TOP3B: variants seen among roughly 807,000 people sequenced by gnomAD.
The protein encoded by TOP3B is DNA topoisomerase 3-beta-1.
In TOP3B, 45 loss-of-function variants were observed where a neutral mutation model predicts 93.9. The ratio of observed to expected loss-of-function variants is 0.48; its 90% CI spans 0.38 to 0.61. The LOEUF (loss-of-function observed/expected upper bound fraction) is 0.61, where lower values mean the gene tolerates loss of function less well. TOP3B is among the 20% of genes least tolerant of loss of function. The pLI, the probability that TOP3B is intolerant of heterozygous loss-of-function variation, is 0.00. For missense variants in TOP3B, 750 were observed against 1,156.1 expected (o/e 0.65, Z 5.09); for synonymous variants, 357 against 472.6 (o/e 0.76, Z 3.17).
intron 9 of TOP3B, 189 bp downstream of exon 9, chr22:21,965,096 C>T: frequency 4.7e-6 from 2 of 428,154 alleles, no homozygotes; most frequent in South Asian, 5.7e-5. Context: ...GGGACTCTAA[C>T]ATCAGGAGGT....
chr22:21,979,369 G>A (rs553767485), intron 1 of TOP3B, among the ~76,000 whole-genome samples: 8 of 152,184 alleles, frequency 5.3e-5, no homozygotes, highest in African/African-American at 1.9e-4. Flanking sequence ...CTGGGTGGTG[G>A]CATGCTGACC....
chr22:21,967,441 T>C, intron 8 of TOP3B, 162 bp downstream of exon 8: 1 of 626,832 alleles, frequency 1.6e-6, no homozygotes, highest in South Asian at 1.9e-5. Context: ...ATCTTAGGAG[T>C]ATATGAGGGA....
rs116817941 is a variant in TOP3B, at chr22:21,974,817, G to A, written c.71-329C>T. The A allele has an allele frequency of 2.2e-3, 417 of 187,476 alleles. 1 individual carries two copies. The highest frequency in any genetic ancestry group is 9.2e-3 in the African/African-American group (392 of 42,426). 11.6% of individuals were successfully genotyped at this position (187,476 alleles called of 1,614,324 possible). On this transcript the variant is annotated intron_variant, in intron 2 of 17. Coordinates refer to ENST00000357179, the MANE Select transcript of TOP3B (RefSeq NM_001282112.2). ...CATTTTTGCCTCACTTCATTGAAACGTTATTCATCGTTTACTAAAACAGAC... is the reference window on the plus strand; with the variant it reads ...CATTTTTGCCTCACTTCATTGAAACATTATTCATCGTTTACTAAAACAGAC...
chr22:21,974,632 G>C, intron 2 of TOP3B, 144 bp from the exon 3 acceptor site: 1 of 909,942 alleles, frequency 1.1e-6, no homozygotes, highest in Non-Finnish European at 1.6e-6. Context: ...AGACTGGTGC[G>C]GGTAGTTGGG....
chr22:21,979,941 C>CAA (rs57880095), intron 1 of TOP3B, among the ~76,000 whole-genome samples: 2,417 of 52,932 alleles, frequency 0.046, 76 homozygotes, highest in African/African-American at 0.077. Context: ...ACTCCATCTC[C>CAA]AAAAAAAAAA....
chr22:21,962,619 C>T lies in TOP3B; in HGVS notation c.1352-17G>A, dbSNP rs781418892. The T allele has an allele frequency of 1.1e-5, 18 of 1,607,472 alleles. No homozygotes were observed. The highest frequency in any genetic ancestry group is 1.7e-5 in the Admixed American group (1 of 59,900). On this transcript the variant is annotated splice_polypyrimidine_tract_variant and intron_variant, in intron 12 of 17. Transcript: ENST00000357179. ...CCGTGAAGCCTGGAGAGATATGCGC[C>T]GCCACTCAGGGTCCCCAGCCTGGGT...
chr22:21,972,094 T>A, intron 4 of TOP3B, 143 bp from the exon 5 acceptor site: 1 of 638,430 alleles, frequency 1.6e-6, no homozygotes, highest in Non-Finnish European at 2.7e-6. Context: ...GGTAAGGAGC[T>A]GGCTGTGTTG....
intron 8 of TOP3B, chr22:21,967,131 T>C (rs6000341): frequency 9.4e-4 from 158 of 168,976 alleles, no homozygotes; most frequent in African/African-American, 3.1e-3. Context: ...TTTCAATTCA[T>C]AGAAGCCCTG....
chr22:21,967,687 A>T lies in TOP3B; in HGVS notation c.768T>A (p.Leu256=). The part of the protein sequence containing the change: ...KVNTDKDRSL[L]LDWDRVRVFD... ...ACACTCTTACTCGGTCCCAGTCCAA[A>T]AGGAGAGATCTGTCTTTGTCAGTGT... The change falls in exon 8 of 18, where the codon CTT becomes CTA. Residue 256 remains leucine (L), a synonymous_variant. Coordinates refer to ENST00000357179, the MANE Select transcript of TOP3B (RefSeq NM_001282112.2). The T allele has an allele frequency of 6.2e-7, 1 of 1,614,130 alleles. No homozygotes were observed. Among genetic ancestry groups the T allele is most frequent in the South Asian group, 1.1e-5 (1 of 91,084 alleles).
At chr22:21,964,051 G>C (rs2071309779) in intron 10 of TOP3B, 23 bp from the exon 11 acceptor site, 1 of 1,602,018 alleles carries the variant, frequency 6.2e-7, no homozygotes, top group South Asian at 1.1e-5. Context: ...AGACAGAGCA[G>C]AGTCTGTGGC....
intron 7 of TOP3B, chr22:21,967,933 GAAGGTGGCCCA>G: frequency 1.8e-6 from 1 of 542,006 alleles, no homozygotes; most frequent in Non-Finnish European, 3.3e-6. Flanking sequence ...CCAGTCTCAG[GAAGGTGGCCCA>G]AAGCTGAGGC....
In TOP3B at chr22:21,959,814, C is replaced by T. The variant is rs1174562119; in HGVS notation, c.1655-78G>A. The T allele has an allele frequency of 1.3e-6, 2 of 1,553,980 alleles. 1 individual carries two copies. Among genetic ancestry groups the T allele is most frequent in the Admixed American group, 3.5e-5 (2 of 56,720 alleles). ...TGCCACCCCTTCCCAGGCAGGGATA[C>T]TGCCCTGTTCACCCCTCCCGCTCTG... On this transcript the variant is annotated intron_variant, in intron 14 of 17. Transcript: ENST00000357179.
chr22:21,965,458 G>A, intron 8 of TOP3B, 83 bp from the exon 9 acceptor site: 1 of 807,320 alleles, frequency 1.2e-6, no homozygotes, highest in Middle Eastern at 2.4e-4. Context: ...CGAAGGGTCT[G>A]GTTTCATTCA....
chr22:21,960,491 C>T, intron 13 of TOP3B, 42 bp from the exon 14 acceptor site: 1 of 1,610,426 alleles, frequency 6.2e-7, no homozygotes, highest in Non-Finnish European at 8.5e-7. Flanking sequence ...CTGCCTTGGA[C>T]ATGCCCCACT....
chr22:21,971,233 T>C lies in TOP3B; in HGVS notation c.384+644A>G, dbSNP rs1287434861. On this transcript the variant is annotated intron_variant, in intron 5 of 17. Coordinates refer to ENST00000357179, the MANE Select transcript of TOP3B (RefSeq NM_001282112.2). This position sits in a 1 kb window ranked among gnomAD's most constrained non-coding sequence, Gnocchi z 4.6. ...GCCAGGTGCCTCAGCTCTGTCTCAC[T>C]GACCAGCTCTTGAGCCACGGGTGAG... 6.0e-6 allele frequency: 2 copies of C among 334,038 alleles called. No individual in the cohort carries two copies. Among genetic ancestry groups the C allele is most frequent in the Non-Finnish European group, 1.1e-5 (2 of 175,058 alleles). The allele number at this position is 334,038 out of a possible 1,614,324, so 20.7% of individuals were successfully genotyped here.
chr22:21,959,361 G>C, intron 15 of TOP3B, 129 bp from the exon 16 acceptor site: 4 of 1,505,882 alleles, frequency 2.7e-6, no homozygotes, highest in Non-Finnish European at 3.5e-6. Context: ...CTGGCAGCAC[G>C]GCAGGGCAGC....
chr22:21,960,653 AG>A, intron 13 of TOP3B: 1 of 667,656 alleles, frequency 1.5e-6, no homozygotes, highest in Non-Finnish European at 2.5e-6. Context: ...TGAGAACACA[AG>A]GGCAGCCCTC....
At chr22:21,961,397 A>C (rs1409957216) in intron 13 of TOP3B, 1 of 152,300 alleles carries the variant, frequency 6.6e-6, no homozygotes, top group East Asian at 1.9e-4. Flanking sequence ...TCAGAAGGTA[A>C]CACCAGAGCC....
In TOP3B at chr22:21,967,648, G is replaced by T. The variant is rs745465196; in HGVS notation, c.807C>A (p.Ile269=). ...WDRVRVFDRE[I]AQMFLNMTKL... The stretch of plus-strand genomic sequence containing the variant: ...TTGTCATGTTTAAAAACATCTGTGC[G>T]ATCTCCCGGTCAAACACTCTTACTC... Residue 269 remains isoleucine, a synonymous_variant, in exon 8 of 18, where the codon ATC becomes ATA. Transcript: ENST00000357179. The T allele has an allele frequency of 2.5e-6, 4 of 1,614,154 alleles. No homozygotes were observed. In the South Asian group the frequency reaches 4.4e-5, roughly 18 times the overall value.
Sources: gnomAD v4.1 joint callset for allele counts (sites outside exome capture counted in the v4.1 genomes callset) on GRCh38, gnomAD v4.1.1 for gene constraint, Gnocchi (gnomAD v3.1) non-coding constraint, MANE v1.5 for transcripts, NCBI Gene and HGNC (gene_info 2026-07-23, HGNC 2026-07-21) for gene names.